Variants in MACROD1 observed in about 807,000 individuals in gnomAD.
MACROD1 encodes mono-ADP ribosylhydrolase 1.
Under a neutral mutation model 41.4 loss-of-function variants are expected in MACROD1, and 31 were observed. The ratio of observed to expected loss-of-function variants is 0.75; its 90% confidence interval spans 0.56 to 1.01. The LOEUF (loss-of-function observed/expected upper bound fraction) is 1.01, where lower values mean the gene tolerates loss of function less well. Ranked by LOEUF, MACROD1 falls within the 50% of genes least tolerant of loss-of-function variation. MACROD1 has a pLI of 0.00. For synonymous variants in MACROD1, 252 were observed against 203.4 expected, an observed-to-expected ratio of 1.24 and a Z score of -2.03; for missense variants, 473 against 460.0, an observed-to-expected ratio of 1.03 and a Z score of -0.26.
chr11:64,132,623 C>A (rs766395854), intron 3 of MACROD1, among the ~76,000 whole-genome samples: 2 of 152,292 alleles, frequency 1.3e-5, no homozygotes, highest in East Asian at 1.9e-4. Flanking sequence ...CTCTATTGAG[C>A]CCGCGGTCCT....
At chr11:64,020,107 T>A (rs1386059918) in intron 3 of MACROD1, among the ~76,000 whole-genome samples, 1 of 152,172 alleles carries the variant, frequency 6.6e-6, no homozygotes, top group Non-Finnish European at 1.5e-5. Context: ...TCAAAGACAA[T>A]GTTATCAGAT....
At chr11:64,066,287 A>G (rs1365259094) in intron 3 of MACROD1, among the ~76,000 whole-genome samples, 1 of 124,752 alleles carries the variant, frequency 8.0e-6, no homozygotes, top group Admixed American at 8.4e-5. Flanking sequence ...ACAGAGCGAG[A>G]CTGTCTCAAA....
chr11:64,080,417 T>C (rs1409769796), intron 3 of MACROD1, among the ~76,000 whole-genome samples: 1 of 152,212 alleles, frequency 6.6e-6, no homozygotes, highest in Non-Finnish European at 1.5e-5. Flanking sequence ...TCAGCGGGTT[T>C]TTTTGTGTGT....
chr11:64,023,119 C>T (rs1160734985), intron 3 of MACROD1, among the ~76,000 whole-genome samples: 1 of 152,136 alleles, frequency 6.6e-6, no homozygotes, highest in East Asian at 1.9e-4. Context: ...GCCTTAGCCT[C>T]CCAAAGTGCT....
intron 3 of MACROD1, among the ~76,000 whole-genome samples, chr11:64,046,023 C>T (rs1329557485): frequency 6.6e-6 from 1 of 152,202 alleles, no homozygotes; most frequent in Non-Finnish European, 1.5e-5. Context: ...CTCATTTAAT[C>T]CCCATAAGTG....
intron 3 of MACROD1, among the ~76,000 whole-genome samples, chr11:64,130,694 C>A (rs1945252859): frequency 1.3e-5 from 2 of 152,194 alleles, no homozygotes; most frequent in African/African-American, 4.8e-5. Flanking sequence ...CCCCCCCACA[C>A]ATGCCGCTGC....
chr11:64,070,834 C>T (rs74753444), intron 3 of MACROD1, among the ~76,000 whole-genome samples: 189 of 152,270 alleles, frequency 1.2e-3, no homozygotes, highest in African/African-American at 4.2e-3. Context: ...TGCTCTTTCT[C>T]GTTTTGGAAG....
chr11:64,156,489 G>A (rs2134719867), intron 1 of MACROD1, among the ~76,000 whole-genome samples: 1 of 152,264 alleles, frequency 6.6e-6, no homozygotes, highest in South Asian at 2.1e-4. Flanking sequence ...GGCTGGGCAG[G>A]CCCTGGGAAT....
At chr11:64,035,417 A>C (rs1030005543) in intron 3 of MACROD1, among the ~76,000 whole-genome samples, 1 of 152,038 alleles carries the variant, frequency 6.6e-6, no homozygotes, top group Admixed American at 6.5e-5. Context: ...GAATGAATGG[A>C]TGGCTGGAGG....
intron 3 of MACROD1, among the ~76,000 whole-genome samples, chr11:64,025,912 G>A (rs765629686): frequency 5.0e-4 from 76 of 152,102 alleles, no homozygotes; most frequent in Non-Finnish European, 6.9e-4. Context: ...GCCGGGCGCC[G>A]TAACTCACAC....
At chr11:64,075,977 C>A (rs1944193417) in intron 3 of MACROD1, among the ~76,000 whole-genome samples, 1 of 152,234 alleles carries the variant, frequency 6.6e-6, no homozygotes, top group Non-Finnish European at 1.5e-5. Context: ...CCCGGCCTGG[C>A]CCTGTCTTCT....
chr11:64,086,528 G>A (rs1944398134), intron 3 of MACROD1, among the ~76,000 whole-genome samples: 2 of 152,016 alleles, frequency 1.3e-5, no homozygotes, highest in South Asian at 4.2e-4. Flanking sequence ...CCTGCCCCAG[G>A]CTGAGTTGTC....
chr11:64,161,599 G>A (rs1273041857), intron 1 of MACROD1, among the ~76,000 whole-genome samples: 1 of 152,226 alleles, frequency 6.6e-6, no homozygotes, highest in Non-Finnish European at 1.5e-5. Flanking sequence ...GCAGAGTCCA[G>A]CTGGGGCAGC....
At chr11:64,074,137 C>T (rs1474015894) in intron 3 of MACROD1, among the ~76,000 whole-genome samples, 1 of 152,204 alleles carries the variant, frequency 6.6e-6, no homozygotes, top group Non-Finnish European at 1.5e-5. Context: ...TAGAATGTCA[C>T]AAGTAGACAT....
chr11:64,033,574 C>T (rs1263079111), intron 3 of MACROD1, among the ~76,000 whole-genome samples: 2 of 151,736 alleles, frequency 1.3e-5, no homozygotes, highest in African/African-American at 4.8e-5. Flanking sequence ...GGTGTGGTGG[C>T]TCACGTCTGT....
At chr11:64,108,414 A>G (rs1414685450) in intron 3 of MACROD1, among the ~76,000 whole-genome samples, 1 of 152,152 alleles carries the variant, frequency 6.6e-6, no homozygotes, top group Non-Finnish European at 1.5e-5. Context: ...TTCACAGGAA[A>G]GGGGCTTCCT....
Position 64,090,504 on chromosome 11 carries a change from T to G in MACROD1, c.517+60735A>C, listed in dbSNP as rs374837518. On this transcript the variant is annotated intron_variant, in intron 3 of 10. Coordinates refer to ENST00000255681, the MANE Select transcript of MACROD1 (RefSeq NM_014067.4). This position sits in a 1 kb window ranked among gnomAD's most constrained non-coding sequence, Gnocchi z 4.7. Reference sequence around the variant, plus strand: ...AGGAGGAGGAGGCCAAATAACCACATTTGCTTCCCCGGGCCCTCCCTCGAC... The same window carrying G: ...AGGAGGAGGAGGCCAAATAACCACAGTTGCTTCCCCGGGCCCTCCCTCGAC... 3.5e-3 allele frequency among the ~76,000 whole-genome samples: 526 copies of G among 151,910 alleles called. 3 individuals carry two copies. The highest frequency in any genetic ancestry group is 0.012 in the African/African-American group (501 of 41,446).
intron 3 of MACROD1, among the ~76,000 whole-genome samples, chr11:64,080,601 G>A (rs1010808207): frequency 6.6e-6 from 1 of 152,200 alleles, no homozygotes; most frequent in African/African-American, 2.4e-5. Flanking sequence ...ACACGTAGGC[G>A]TTCAGCAAGG....
At chr11:64,129,558 G>T in intron 3 of MACROD1, among the ~76,000 whole-genome samples, 1 of 152,330 alleles carries the variant, frequency 6.6e-6, no homozygotes, top group East Asian at 1.9e-4. Context: ...TGGCCCCCAG[G>T]GATGGAGCCA....
Sources: allele counts gnomAD v4.1 joint callset (sites outside exome capture counted in the v4.1 genomes callset), GRCh38; gene constraint gnomAD v4.1.1; non-coding constraint Gnocchi (gnomAD v3.1); transcripts MANE v1.5; gene names NCBI Gene and HGNC (gene_info 2026-07-23, HGNC 2026-07-21).